The following CMTM7 variants were observed in gnomAD, a reference collection of about 807,000 sequenced individuals.
The protein encoded by CMTM7 is CKLF-like MARVEL transmembrane domain-containing protein 7.
In CMTM7, 7 loss-of-function variants were observed where a neutral mutation model predicts 19.3. The ratio of observed to expected loss-of-function variants is 0.36; its 90% CI spans 0.21 to 0.68. The LOEUF (loss-of-function observed/expected upper bound fraction) is 0.68, where lower values mean the gene tolerates loss of function less well. Among genes scored for constraint, CMTM7 ranks in the 30% least tolerant of loss-of-function variants. The probability of loss-of-function intolerance (pLI) is 0.60; values close to 1 mark genes in which losing one functional copy is unlikely to be tolerated. For synonymous variants in CMTM7, 87 were observed against 99.3 expected (o/e 0.88, Z 0.74); for missense variants, 193 against 232.6 (o/e 0.83, Z 1.11).
intron 1 of CMTM7, among the ~76,000 whole-genome samples, chr3:32,405,569 A>T (rs1696080380): frequency 6.6e-6 from 1 of 152,180 alleles, no homozygotes; most frequent in South Asian, 2.1e-4. Flanking sequence ...TACTTTACAG[A>T]TGAGGAAACT....
intron 2 of CMTM7, among the ~76,000 whole-genome samples, chr3:32,444,689 A>G (rs1187671504): frequency 1.3e-5 from 2 of 152,136 alleles, no homozygotes; most frequent in Admixed American, 1.3e-4. Flanking sequence ...AAGTTTTTCC[A>G]TTTTTTTAGA....
chr3:32,442,905 A>G (rs1575124748), intron 2 of CMTM7, among the ~76,000 whole-genome samples: 1 of 152,238 alleles, frequency 6.6e-6, no homozygotes, highest in Non-Finnish European at 1.5e-5. Flanking sequence ...GAAATTCCAT[A>G]CCTTTTAGCT....
At chr3:32,400,457 G>A (rs1695985956) in intron 1 of CMTM7, among the ~76,000 whole-genome samples, 1 of 140,644 alleles carries the variant, frequency 7.1e-6, no homozygotes, top group Admixed American at 7.2e-5. Context: ...GAGTGCAGTG[G>A]CGCGGGCTCA....
chr3:32,401,315 C>T (rs1695998965), intron 1 of CMTM7, among the ~76,000 whole-genome samples: 1 of 152,192 alleles, frequency 6.6e-6, no homozygotes, highest in Non-Finnish European at 1.5e-5. Context: ...CTCAAATAAC[C>T]ACTTACAGCC....
intron 1 of CMTM7, among the ~76,000 whole-genome samples, chr3:32,408,431 A>G (rs1696119816): frequency 6.6e-6 from 1 of 152,232 alleles, no homozygotes; most frequent in Non-Finnish European, 1.5e-5. Flanking sequence ...CGGAGAGGTG[A>G]TGGCCACGCT....
chr3:32,415,448 C>A (rs1696246199), intron 1 of CMTM7, among the ~76,000 whole-genome samples: 1 of 152,196 alleles, frequency 6.6e-6, no homozygotes, highest in African/African-American at 2.4e-5. Flanking sequence ...TTTCAGTAGG[C>A]CCTCCCGTTG....
chr3:32,444,426 G>A (rs187859384), intron 2 of CMTM7, among the ~76,000 whole-genome samples: 7 of 152,222 alleles, frequency 4.6e-5, no homozygotes, highest in Non-Finnish European at 5.9e-5. Context: ...TGTGTCTGTC[G>A]TTATGCCATT....
At chr3:32,394,491 C>T (rs1695886676) in intron 1 of CMTM7, among the ~76,000 whole-genome samples, 1 of 152,184 alleles carries the variant, frequency 6.6e-6, no homozygotes, top group South Asian at 2.1e-4. Flanking sequence ...GGCTGTTCCA[C>T]TGGAGAATGA....
chr3:32,441,947 C>A lies in CMTM7; in HGVS notation c.267C>A (p.Leu89=). The change falls in exon 2 of 5, where the codon CTC becomes CTA. Residue 89 remains leucine, a synonymous_variant. Coordinates refer to ENST00000334983, the MANE Select transcript of CMTM7 (RefSeq NM_138410.4). The part of the protein sequence containing the change: ...VVTICDLIMI[L]AFYLVHLFRF... The stretch of plus-strand genomic sequence containing the variant: ...CCATTTGCGACTTGATAATGATCCT[C>A]GCCTTTTACCTGGTCCACCTCTTCC... 6.2e-7 allele frequency: 1 copy of A among 1,614,192 alleles called. No homozygotes were observed. Among genetic ancestry groups the A allele is most frequent in the Non-Finnish European group, 8.5e-7 (1 of 1,180,034 alleles).
intron 1 of CMTM7, among the ~76,000 whole-genome samples, chr3:32,437,014 A>G (rs1162769329): frequency 6.6e-6 from 1 of 152,132 alleles, no homozygotes; most frequent in East Asian, 1.9e-4. Context: ...GCGGGTGTAC[A>G]CTCAAGCTGC....
chr3:32,392,703 G>A (rs1313630254), intron 1 of CMTM7, among the ~76,000 whole-genome samples: 2 of 152,238 alleles, frequency 1.3e-5, no homozygotes, highest in Non-Finnish European at 2.9e-5. Flanking sequence ...CAGGGGGTCA[G>A]TTGGGAAAGG....
intron 1 of CMTM7, among the ~76,000 whole-genome samples, chr3:32,427,697 G>A (rs1696454032): frequency 6.6e-6 from 1 of 152,208 alleles, no homozygotes; most frequent in African/African-American, 2.4e-5. Context: ...TTGGAAATCT[G>A]ATCTAGAAGC....
At chr3:32,422,152 A>G (rs2125630790) in intron 1 of CMTM7, among the ~76,000 whole-genome samples, 1 of 152,350 alleles carries the variant, frequency 6.6e-6, no homozygotes, top group South Asian at 2.1e-4. Flanking sequence ...CACGTTCTCA[A>G]CAATAGTGAT....
intron 1 of CMTM7, among the ~76,000 whole-genome samples, chr3:32,394,586 T>C (rs1695888001): frequency 6.6e-6 from 1 of 152,236 alleles, no homozygotes; most frequent in Non-Finnish European, 1.5e-5. Flanking sequence ...ATGTCATTTA[T>C]ACATGTGTAA....
intron 1 of CMTM7, among the ~76,000 whole-genome samples, chr3:32,397,220 A>G (rs575073069): frequency 3.9e-5 from 6 of 152,302 alleles, no homozygotes; most frequent in Non-Finnish European, 7.3e-5. Flanking sequence ...GCTTGCTTAT[A>G]TAGGTTATTA....
intron 1 of CMTM7, among the ~76,000 whole-genome samples, chr3:32,436,164 A>G (rs1575122058): frequency 2.0e-5 from 3 of 152,264 alleles, no homozygotes; most frequent in African/African-American, 7.2e-5. Flanking sequence ...TGGCATTTTC[A>G]TTTATAGATA....
chr3:32,449,665 A>C lies in CMTM7; in HGVS notation c.432+113A>C. ...TCTGGGGCATTCCCTTCATAGAATC[A>C]ATACCTACCTTGATCCAGCCATCAG... On this transcript the variant is annotated intron_variant, in intron 3 of 4. Coordinates refer to ENST00000334983, the MANE Select transcript of CMTM7 (RefSeq NM_138410.4). This position sits in a 1 kb window ranked among gnomAD's most constrained non-coding sequence, Gnocchi z 4.5. 1 of 806,646 alleles carries C rather than the reference A, an allele frequency of 1.2e-6. No homozygotes were observed. The highest frequency in any genetic ancestry group is 2.2e-6 in the Non-Finnish European group (1 of 461,136). 50.0% of individuals were successfully genotyped at this position (806,646 alleles called of 1,614,324 possible).
At chr3:32,400,626 C>G (rs6787195) in intron 1 of CMTM7, among the ~76,000 whole-genome samples, 42,703 of 150,962 alleles carry the variant, frequency 0.28, 6,843 homozygotes, top group African/African-American at 0.42. Context: ...CTCCTGACTT[C>G]GTGATCCACC....
Position 32,454,530 on chromosome 3 carries a change from A to G in CMTM7, c.*276A>G, listed in dbSNP as rs1281945075. ...AAATGTTTTCTGCCTTCCTGCTTCT[A>G]GAACCACCTCAGGTACTGATGAACC... On this transcript the variant is annotated 3_prime_UTR_variant, in exon 5 of 5. Transcript: ENST00000334983. The G allele has an allele frequency of 1.5e-6, 1 of 669,100 alleles. No individual in the cohort carries two copies. Among genetic ancestry groups the G allele is most frequent in the Non-Finnish European group, 2.7e-6 (1 of 364,486 alleles). The allele number at this position is 669,100 out of a possible 1,614,324, so 41.4% of individuals were successfully genotyped here.
Sources: gnomAD v4.1 joint callset for allele counts (sites outside exome capture counted in the v4.1 genomes callset) on GRCh38, gnomAD v4.1.1 for gene constraint, Gnocchi (gnomAD v3.1) non-coding constraint, MANE v1.5 for transcripts, NCBI Gene and HGNC (gene_info 2026-07-23, HGNC 2026-07-21) for gene names.